Variants in PHACTR1 observed in about 807,000 individuals in gnomAD.
PHACTR1 encodes phosphatase and actin regulator 1.
In PHACTR1, 16 loss-of-function variants were observed where a neutral mutation model predicts 69.2. The observed-to-expected ratio is 0.23, with a 90% CI of 0.16 to 0.35. The LOEUF (loss-of-function observed/expected upper bound fraction) is 0.35. PHACTR1 is among the 10% of genes least tolerant of loss of function. The probability of loss-of-function intolerance (pLI) is 1.00; values close to 1 mark genes in which losing one functional copy is unlikely to be tolerated. For missense variants in PHACTR1, 510 were observed against 734.7 expected (o/e 0.69, Z 3.54); for synonymous variants, 312 against 284.5 (o/e 1.10, Z -0.97).
chr6:13,081,511 TATG>T (rs1811367993), intron 5 of PHACTR1, among the ~76,000 whole-genome samples: 1 of 152,134 alleles, frequency 6.6e-6, no homozygotes, highest in African/African-American at 2.4e-5. Context: ...GAAAGCACTG[TATG>T]ATGTTATCAA....
intron 10 of PHACTR1, among the ~76,000 whole-genome samples, chr6:13,268,943 T>C (rs535620415): frequency 3.3e-5 from 5 of 152,282 alleles, no homozygotes; most frequent in African/African-American, 1.2e-4. Context: ...CAGAATTTTC[T>C]CTGATCAGAG....
intron 4 of PHACTR1, among the ~76,000 whole-genome samples, chr6:12,841,100 A>G (rs1049011789): frequency 6.6e-6 from 1 of 152,228 alleles, no homozygotes; most frequent in African/African-American, 2.4e-5. Flanking sequence ...TGTCTGTTGC[A>G]TAATATGCAC....
chr6:12,805,954 C>T (rs572557954), intron 4 of PHACTR1, among the ~76,000 whole-genome samples: 30 of 152,320 alleles, frequency 2.0e-4, no homozygotes, highest in Middle Eastern at 6.8e-3. Flanking sequence ...ACTACAACTT[C>T]TGTCATGAAG....
At chr6:13,256,916 T>C (rs1775265078) in intron 10 of PHACTR1, among the ~76,000 whole-genome samples, 1 of 152,220 alleles carries the variant, frequency 6.6e-6, no homozygotes, top group Admixed American at 6.5e-5. Flanking sequence ...ATTACCCAGT[T>C]CCAAAGTCAC....
At chr6:13,225,342 G>A (rs562760343) in intron 8 of PHACTR1, among the ~76,000 whole-genome samples, 3 of 152,266 alleles carry the variant, frequency 2.0e-5, no homozygotes, top group Non-Finnish European at 1.5e-5. Context: ...GACCTGATTG[G>A]CCCCAGAAGT....
chr6:13,031,006 C>G (rs1275147331), intron 4 of PHACTR1, among the ~76,000 whole-genome samples: 3 of 152,172 alleles, frequency 2.0e-5, no homozygotes, highest in Non-Finnish European at 4.4e-5. Flanking sequence ...GTCCCCCACC[C>G]CACCCCAGTG....
chr6:13,210,624 A>G (rs4715154), intron 8 of PHACTR1, among the ~76,000 whole-genome samples: 19,933 of 152,008 alleles, frequency 0.13, 1,902 homozygotes, highest in Admixed American at 0.25. Flanking sequence ...CCTCTTTTTG[A>G]TTTTCATGCC....
intron 3 of PHACTR1, among the ~76,000 whole-genome samples, chr6:12,741,350 ATTATTAACCTTTAATAATATTTTG>A (rs1417907744): frequency 2.0e-5 from 3 of 151,996 alleles, no homozygotes; most frequent in Non-Finnish European, 2.9e-5. Flanking sequence ...AAATTTTATT[ATTATTAACCTTTAATAATATTTTG>A]TTATTAACCT....
intron 4 of PHACTR1, among the ~76,000 whole-genome samples, chr6:12,803,190 G>C (rs187654108): frequency 6.6e-6 from 1 of 152,094 alleles, no homozygotes; most frequent in South Asian, 2.1e-4. Flanking sequence ...TTCTTGACAG[G>C]TTCTCTTGTT....
intron 4 of PHACTR1, among the ~76,000 whole-genome samples, chr6:12,834,355 C>G (rs1045072173): frequency 6.6e-6 from 1 of 152,116 alleles, no homozygotes; most frequent in African/African-American, 2.4e-5. Context: ...AATGTCTCAA[C>G]CTTCTTCCCT....
At chr6:13,201,283 G>T (rs1225434016) in intron 7 of PHACTR1, among the ~76,000 whole-genome samples, 1 of 152,214 alleles carries the variant, frequency 6.6e-6, no homozygotes, top group Non-Finnish European at 1.5e-5. Context: ...AGGAAAGCGG[G>T]TCTTCATTTG....
intron 5 of PHACTR1, among the ~76,000 whole-genome samples, chr6:13,094,453 C>G (rs2127838350): frequency 6.6e-6 from 1 of 152,042 alleles, no homozygotes; most frequent in South Asian, 2.1e-4. Flanking sequence ...TGCCACCATG[C>G]CTGGCTAATT....
chr6:13,239,560 A>T (rs1772511940), intron 10 of PHACTR1, among the ~76,000 whole-genome samples: 1 of 152,204 alleles, frequency 6.6e-6, no homozygotes, highest in South Asian at 2.1e-4. Flanking sequence ...TCTGGATAAG[A>T]AGACTTGAGC....
chr6:13,123,552 G>C (rs1819069707), intron 5 of PHACTR1, among the ~76,000 whole-genome samples: 1 of 152,180 alleles, frequency 6.6e-6, no homozygotes, highest in Non-Finnish European at 1.5e-5. Flanking sequence ...GAGGGAAAAT[G>C]AAAGTCATTA....
At chr6:12,778,229 T>A (rs993535498) in intron 4 of PHACTR1, among the ~76,000 whole-genome samples, 1 of 152,268 alleles carries the variant, frequency 6.6e-6, no homozygotes, top group African/African-American at 2.4e-5. Context: ...TGAGAGCTCT[T>A]GTGAAACCAT....
In PHACTR1 at chr6:13,114,050, T is replaced by C. The variant is rs78848037; in HGVS notation, c.416-46154T>C. Among the ~76,000 whole-genome samples, 374 of 152,184 alleles carry C rather than the reference T, an allele frequency of 2.5e-3. 3 individuals are homozygous for C. The Middle Eastern group carries it at 0.044, about 18-fold the overall frequency. ...CACTAACAGCCATGCACAGGGCAGA[T>C]TTCTGGTCCTAAAAGTAGCTGAATG... On this transcript the variant is annotated intron_variant, in intron 5 of 14. Coordinates refer to ENST00000332995, the MANE Select transcript of PHACTR1 (RefSeq NM_030948.6).
At chr6:12,813,705 G>A (rs1391340781) in intron 4 of PHACTR1, among the ~76,000 whole-genome samples, 4 of 152,286 alleles carry the variant, frequency 2.6e-5, no homozygotes, top group Admixed American at 1.3e-4. Flanking sequence ...GTACAATCAG[G>A]CCAGAGACTG....
chr6:12,956,257 C>T (rs1056039134), intron 4 of PHACTR1, among the ~76,000 whole-genome samples: 2 of 152,210 alleles, frequency 1.3e-5, no homozygotes, highest in African/African-American at 2.4e-5. Context: ...AGTTCATCTG[C>T]GCTTTGACAT....
intron 4 of PHACTR1, among the ~76,000 whole-genome samples, chr6:12,804,050 C>T (rs886154200): frequency 1.3e-5 from 2 of 152,176 alleles, no homozygotes; most frequent in South Asian, 4.1e-4. Flanking sequence ...GAGAAAAATT[C>T]GGCTTAGAGG....
Sources: allele counts gnomAD v4.1 joint callset (sites outside exome capture counted in the v4.1 genomes callset), GRCh38; gene constraint gnomAD v4.1.1; transcripts MANE v1.5; gene names NCBI Gene and HGNC (gene_info 2026-07-23, HGNC 2026-07-21).